DNAJB14: variants seen among roughly 807,000 people sequenced by gnomAD.
DNAJB14 encodes the protein dnaJ homolog subfamily B member 14.
A neutral mutation model predicts 48.4 loss-of-function variants in DNAJB14; 22 were observed. The ratio of observed to expected loss-of-function variants is 0.45; its 90% CI spans 0.32 to 0.65. The LOEUF is 0.65. Among genes scored for constraint, DNAJB14 ranks in the 30% least tolerant of loss-of-function variants. DNAJB14 has a pLI of 0.03. For missense variants in DNAJB14, 319 were observed against 458.8 expected (o/e 0.70, Z 2.78); for synonymous variants, 142 against 158.7 (o/e 0.89, Z 0.79).
intron 1 of DNAJB14, among the ~76,000 whole-genome samples, chr4:99,945,487 G>A (rs1578244791): frequency 6.6e-6 from 1 of 152,158 alleles, no homozygotes; most frequent in Admixed American, 6.5e-5. Flanking sequence ...AGGCCTTTTC[G>A]AGTCTGAAAG....
At chr4:99,937,745 A>G (rs924886345) in intron 1 of DNAJB14, among the ~76,000 whole-genome samples, 10 of 151,900 alleles carry the variant, frequency 6.6e-5, no homozygotes, top group African/African-American at 2.4e-4. Flanking sequence ...CGTCACTTCC[A>G]TAGTATTACA....
intron 6 of DNAJB14, among the ~76,000 whole-genome samples, chr4:99,904,423 T>C (rs1725396918): frequency 6.6e-6 from 1 of 152,166 alleles, no homozygotes; most frequent in Non-Finnish European, 1.5e-5. Context: ...GATAGTTCAA[T>C]GTATACAAAC....
At chr4:99,925,075 G>A in intron 2 of DNAJB14, 1 of 418,612 alleles carries the variant, frequency 2.4e-6, no homozygotes, top group Non-Finnish European at 4.3e-6. Flanking sequence ...ATTAGTTCCA[G>A]GATCCTCCCT....
At chr4:99,945,422 T>C (rs1296186856) in intron 1 of DNAJB14, among the ~76,000 whole-genome samples, 3 of 152,208 alleles carry the variant, frequency 2.0e-5, no homozygotes. Context: ...AATCTATCGA[T>C]AACTTTCTTC....
chr4:99,896,416 G>A lies in DNAJB14; in HGVS notation c.*4612C>T, dbSNP rs1244551278. 1 of 152,076 alleles carries A rather than the reference G, an allele frequency of 6.6e-6. No individual in the cohort carries two copies. The highest frequency in any genetic ancestry group is 1.5e-5 in the Non-Finnish European group (1 of 67,988). The allele number at this position is 152,076 out of a possible 1,614,324, so 9.4% of individuals were successfully genotyped here. A position where few individuals can be genotyped will look rare whatever the true frequency, so the allele number is the denominator to read the frequency against. The stretch of plus-strand genomic sequence containing the variant: ...ATAACATTAAATATTTTACAAATCA[G>A]ACATTTCATTTTGAAATCTAATTTT... On this transcript the variant is annotated 3_prime_UTR_variant, in exon 8 of 8. Coordinates refer to ENST00000442697, the MANE Select transcript of DNAJB14 (RefSeq NM_001031723.4).
intron 7 of DNAJB14, among the ~76,000 whole-genome samples, chr4:99,902,819 CTT>C (rs547285235): frequency 2.0e-5 from 3 of 152,244 alleles, no homozygotes; most frequent in Non-Finnish European, 2.9e-5. Flanking sequence ...AGTAATCTCT[CTT>C]TGCTTCAGTT....
In DNAJB14 at chr4:99,901,692, G is replaced by A. The variant is rs1725300850; in HGVS notation, c.1016-540C>T. ...CGTAATATTGCTATTCAGCAAATAA[G>A]TACTTCTGAGGCTTCCTTCAGTGTG... is the stretch of plus-strand genomic sequence containing the variant. On this transcript the variant is annotated intron_variant, in intron 7 of 7. Transcript: ENST00000442697. Among the ~76,000 whole-genome samples the A allele has an allele frequency of 2.6e-5, 4 of 152,216 alleles. No homozygotes were observed. In the South Asian group the frequency reaches 8.3e-4, roughly 32 times the overall value.
chr4:99,941,039 C>T (rs1280552748), intron 1 of DNAJB14, among the ~76,000 whole-genome samples: 2 of 151,196 alleles, frequency 1.3e-5, no homozygotes, highest in Non-Finnish European at 2.9e-5. Flanking sequence ...ATAATATTTT[C>T]ATTTAGTTAT....
intron 1 of DNAJB14, among the ~76,000 whole-genome samples, chr4:99,937,291 G>A (rs1726715443): frequency 6.6e-6 from 1 of 152,040 alleles, no homozygotes; most frequent in East Asian, 1.9e-4. Context: ...ACTCCAGCCT[G>A]GGTGACAGAG....
rs1288805909 is a variant in DNAJB14 at position 99,897,184 on chromosome 4, T to TG, written c.*3843dup. ...CAATCACACATTTGAGGTAATTAGC[T>TG]GGGAAAAAAAAAAAAAAATATATAT... On this transcript the variant is annotated 3_prime_UTR_variant, in exon 8 of 8. Coordinates refer to ENST00000442697, the MANE Select transcript of DNAJB14 (RefSeq NM_001031723.4). The TG allele has an allele frequency of 1.6e-4, 18 of 110,990 alleles. No homozygotes were observed. The highest frequency in any genetic ancestry group is 5.5e-4 in the African/African-American group (15 of 27,386). 6.9% of individuals were successfully genotyped at this position (110,990 alleles called of 1,614,324 possible). A position where few individuals can be genotyped will look rare whatever the true frequency, so the allele number is the denominator to read the frequency against.
intron 1 of DNAJB14, among the ~76,000 whole-genome samples, chr4:99,934,731 G>A (rs1198431321): frequency 1.6e-5 from 2 of 124,872 alleles, no homozygotes. Flanking sequence ...GGTGGAGGTT[G>A]CAATGAGCTG....
chr4:99,902,331 C>T (rs1446387626), intron 7 of DNAJB14, among the ~76,000 whole-genome samples: 1 of 151,986 alleles, frequency 6.6e-6, no homozygotes, highest in Non-Finnish European at 1.5e-5. Context: ...CTTTCCATTC[C>T]CATCCCATGA....
At chr4:99,906,030 T>C (rs941901365) in intron 5 of DNAJB14, 1 of 1,311,240 alleles carries the variant, frequency 7.6e-7, no homozygotes, top group Non-Finnish European at 9.9e-7. Flanking sequence ...TGTAAAACCA[T>C]TTTTTACCTT....
chr4:99,916,747 T>A (rs1294812815), intron 3 of DNAJB14, among the ~76,000 whole-genome samples: 1 of 152,194 alleles, frequency 6.6e-6, no homozygotes, highest in African/African-American at 2.4e-5. Flanking sequence ...TATATATACA[T>A]AATTTATAAC....
chr4:99,905,933 T>C, intron 5 of DNAJB14: 1 of 1,346,542 alleles, frequency 7.4e-7, no homozygotes, highest in Non-Finnish European at 9.6e-7. Flanking sequence ...TTTCATTTTA[T>C]AGATGAGGAA....
chr4:99,902,925 G>A (rs939588102), intron 7 of DNAJB14, among the ~76,000 whole-genome samples: 2 of 152,098 alleles, frequency 1.3e-5, no homozygotes, highest in African/African-American at 4.8e-5. Flanking sequence ...GACTGAAACA[G>A]GCATTATATA....
chr4:99,940,578 G>A (rs368792415), intron 1 of DNAJB14, among the ~76,000 whole-genome samples: 43 of 152,230 alleles, frequency 2.8e-4, no homozygotes, highest in African/African-American at 9.9e-4. Flanking sequence ...GCGACAGAAC[G>A]AGACACTGTC....
chr4:99,942,738 G>A (rs945343344), intron 1 of DNAJB14, among the ~76,000 whole-genome samples: 6 of 152,126 alleles, frequency 3.9e-5, no homozygotes, highest in Admixed American at 6.5e-5. Context: ...TTCCTACCTG[G>A]CAAAAATAAA....
chr4:99,930,320 G>T, intron 2 of DNAJB14, 130 bp downstream of exon 2: 1 of 866,820 alleles, frequency 1.2e-6, no homozygotes, highest in Non-Finnish European at 1.7e-6. Context: ...TGAAGCATAA[G>T]ACACACCCAG....
Sources: gnomAD v4.1 joint callset for allele counts (sites outside exome capture counted in the v4.1 genomes callset) on GRCh38, gnomAD v4.1.1 for gene constraint, MANE v1.5 for transcripts, NCBI Gene and HGNC (gene_info 2026-07-23, HGNC 2026-07-21) for gene names.